Variants in AOPEP observed in about 807,000 individuals in gnomAD.
The protein encoded by AOPEP is aminopeptidase O.
A neutral mutation model predicts 98.1 loss-of-function variants in AOPEP; 77 were observed. The ratio of observed to expected loss-of-function variants is 0.78; its 90% CI spans 0.65 to 0.95. The LOEUF is 0.95. Ranked by LOEUF, AOPEP falls within the 40% of genes least tolerant of loss-of-function variation. The pLI is 0.00. For missense variants in AOPEP, 1,024 were observed against 1,024.7 expected, an observed-to-expected ratio of 1.00 and a Z score of 0.01; for synonymous variants, 346 against 365.3, an observed-to-expected ratio of 0.95 and a Z score of 0.60.
At chr9:94,743,194 G>GAAGAGGAAGAAGAGT (rs1564051794) in intron 1 of AOPEP, among the ~76,000 whole-genome samples, 1 of 42,590 alleles carries the variant, frequency 2.3e-5, no homozygotes, top group Non-Finnish European at 4.9e-5. Flanking sequence ...AGAAGAAGAA[G>GAAGAGGAAGAAGAGT]AAGAAGAGGA....
chr9:95,067,606 T>C (rs2068044996), intron 14 of AOPEP, among the ~76,000 whole-genome samples: 3 of 152,232 alleles, frequency 2.0e-5, no homozygotes, highest in African/African-American at 7.2e-5. Flanking sequence ...GAGAGTAGAC[T>C]GTGTAGAATA....
chr9:95,082,622 C>G lies in AOPEP; in HGVS notation c.2367C>G (p.Ala789=). The G allele has an allele frequency of 6.2e-7, 1 of 1,614,200 alleles. No individual in the cohort carries two copies. Residue 789 remains alanine (A), a synonymous_variant, in exon 16 of 17, where the codon GCC becomes GCG. Transcript: ENST00000375315. The part of the protein sequence containing the change: ...LYGELMVSED[A]RQQQLARRCF... The stretch of plus-strand genomic sequence containing the variant: ...GGGAGCTGATGGTGAGTGAGGACGC[C>G]AGACAGCAGCAGCTCGCCCGTAGGT...
intron 5 of AOPEP, among the ~76,000 whole-genome samples, chr9:94,820,362 C>T (rs1473854248): frequency 1.3e-5 from 2 of 152,142 alleles, no homozygotes; most frequent in African/African-American, 2.4e-5. Flanking sequence ...CAGATGCAGG[C>T]CAATTAGACG....
chr9:94,778,849 G>A (rs1424734793), intron 3 of AOPEP, among the ~76,000 whole-genome samples: 3 of 152,042 alleles, frequency 2.0e-5, no homozygotes, highest in Non-Finnish European at 4.4e-5. Flanking sequence ...GCAACATAGT[G>A]AAACCCCGTC....
chr9:95,147,365 A>G, the AOPEP span, among the ~76,000 whole-genome samples: 3 of 152,160 alleles, frequency 2.0e-5, no homozygotes, highest in Admixed American at 6.5e-5. Context: ...AAAAACACAA[A>G]ATTAGCTGGG....
intron 5 of AOPEP, among the ~76,000 whole-genome samples, chr9:94,849,945 G>T (rs1366621042): frequency 2.0e-5 from 3 of 151,566 alleles, no homozygotes; most frequent in Non-Finnish European, 4.4e-5. Flanking sequence ...TGAGGCAGGA[G>T]AGTCGCTTGA....
chr9:94,830,245 A>C (rs1855652294), intron 5 of AOPEP, among the ~76,000 whole-genome samples: 1 of 152,186 alleles, frequency 6.6e-6, no homozygotes, highest in Non-Finnish European at 1.5e-5. Context: ...CCATGTGTCC[A>C]TATCTTCTCA....
At chr9:94,837,559 C>A (rs1476885688) in intron 5 of AOPEP, among the ~76,000 whole-genome samples, 1 of 152,154 alleles carries the variant, frequency 6.6e-6, no homozygotes, top group African/African-American at 2.4e-5. Flanking sequence ...AGATAATCCA[C>A]CATGGTCAAG....
At position 94,800,787 on chromosome 9, in the gene AOPEP, C is replaced by T. The variant is rs141109830; in HGVS notation, c.1149C>T (p.Tyr383=). 225 of 1,614,114 alleles carry T rather than the reference C, an allele frequency of 1.4e-4. 1 individual carries two copies. In the African/African-American group the frequency reaches 2.5e-3, roughly 18 times the overall value. ...TTGGTGTTTGCAGTCACATGGAATA[C>T]CCCTGCCGCTTCCAGAATGCTTCTG... is the stretch of plus-strand genomic sequence containing the variant. ...RHVGVCSHME[Y]PCRFQNASAT... Residue 383 remains tyrosine (Y), a synonymous_variant, in exon 5 of 17, where the codon TAC becomes TAT. Coordinates refer to ENST00000375315, the MANE Select transcript of AOPEP (RefSeq NM_001193329.3).
At chr9:94,802,870 G>C (rs529168511) in intron 5 of AOPEP, among the ~76,000 whole-genome samples, 1 of 152,144 alleles carries the variant, frequency 6.6e-6, no homozygotes, top group Non-Finnish European at 1.5e-5. Context: ...ACTGCCAGGT[G>C]GGGTGGGGAA....
chr9:94,825,654 G>C (rs1317187540), intron 5 of AOPEP, among the ~76,000 whole-genome samples: 1 of 152,198 alleles, frequency 6.6e-6, no homozygotes, highest in Non-Finnish European at 1.5e-5. Flanking sequence ...AGAGAATGTT[G>C]TTTCCTCATT....
intron 11 of AOPEP, among the ~76,000 whole-genome samples, chr9:94,979,854 C>T (rs980066771): frequency 1.3e-5 from 2 of 152,150 alleles, no homozygotes; most frequent in African/African-American, 2.4e-5. Flanking sequence ...TTGCTGCCGC[C>T]GTCGTCTGTC....
the AOPEP span, among the ~76,000 whole-genome samples, chr9:95,135,191 T>C: frequency 2.0e-5 from 3 of 152,318 alleles, no homozygotes; most frequent in South Asian, 6.2e-4. Context: ...CCCCCTATGT[T>C]AGTGATTTCA....
intron 5 of AOPEP, among the ~76,000 whole-genome samples, chr9:94,819,682 C>T (rs1852548828): frequency 6.6e-6 from 1 of 152,026 alleles, no homozygotes; most frequent in Non-Finnish European, 1.5e-5. Flanking sequence ...TCAATCAGTC[C>T]TCCTCAGCCT....
At chr9:94,909,870 G>A (rs1388586387) in intron 5 of AOPEP, among the ~76,000 whole-genome samples, 1 of 152,178 alleles carries the variant, frequency 6.6e-6, no homozygotes, top group Non-Finnish European at 1.5e-5. Flanking sequence ...CCACCCCATG[G>A]ATGAAGGCTG....
chr9:95,020,262 T>C (rs1411142960), intron 13 of AOPEP: 1 of 152,178 alleles, frequency 6.6e-6, no homozygotes, highest in East Asian at 1.9e-4. Flanking sequence ...AGGTGGCCTT[T>C]GTTGTATTGT....
intron 5 of AOPEP, among the ~76,000 whole-genome samples, chr9:94,810,514 C>A (rs113399680): frequency 2.0e-4 from 30 of 152,060 alleles, no homozygotes; most frequent in African/African-American, 6.5e-4. Context: ...GAGGTTTCAC[C>A]ATGTTGGCCA....
intron 2 of AOPEP, among the ~76,000 whole-genome samples, chr9:94,764,006 A>T (rs992067393): frequency 1.3e-5 from 2 of 152,146 alleles, no homozygotes; most frequent in African/African-American, 4.8e-5. Context: ...ACAGTCAGTG[A>T]CTCCCTGCCG....
intron 1 of AOPEP, among the ~76,000 whole-genome samples, chr9:94,740,797 T>G (rs1203994325): frequency 1.3e-5 from 2 of 152,232 alleles, no homozygotes; most frequent in Non-Finnish European, 2.9e-5. Flanking sequence ...TGTGTAACCT[T>G]AAGCAAGCTG....
Sources: gnomAD v4.1 joint callset for allele counts (sites outside exome capture counted in the v4.1 genomes callset) on GRCh38, gnomAD v4.1.1 for gene constraint, MANE v1.5 for transcripts, NCBI Gene and HGNC (gene_info 2026-07-23, HGNC 2026-07-21) for gene names.